The following KIAA1217 variants were observed in gnomAD, a reference collection of about 807,000 sequenced individuals.
KIAA1217 encodes the protein sickle tail protein homolog.
Under a neutral mutation model 163.9 loss-of-function variants are expected in KIAA1217, and 88 were observed. The observed-to-expected ratio is 0.54, with a 90% confidence interval of 0.45 to 0.64. KIAA1217 has a LOEUF of 0.64. Ranked by LOEUF, KIAA1217 falls within the 30% of genes least tolerant of loss-of-function variation. The pLI, the probability that KIAA1217 is intolerant of heterozygous loss-of-function variation, is 0.00. For missense variants in KIAA1217, 2,372 were observed against 2,475.0 expected (o/e 0.96, Z 0.88); for synonymous variants, 903 against 923.1 (o/e 0.98, Z 0.39).
intron 1 of KIAA1217, among the ~76,000 whole-genome samples, chr10:23,751,613 T>C (rs1839744658): frequency 2.6e-5 from 4 of 152,154 alleles, no homozygotes; most frequent in African/African-American, 9.7e-5. Context: ...AAAAGAAATT[T>C]CTTCTTATTT....
chr10:23,737,750 C>T (rs1162450206), intron 1 of KIAA1217, among the ~76,000 whole-genome samples: 1 of 151,974 alleles, frequency 6.6e-6, no homozygotes, highest in Non-Finnish European at 1.5e-5. Flanking sequence ...TTATTTTTCT[C>T]ATAGTGATTA....
At chr10:24,327,982 A>AGGC (rs745752582) in intron 2 of KIAA1217, among the ~76,000 whole-genome samples, 1 of 152,096 alleles carries the variant, frequency 6.6e-6, no homozygotes, top group East Asian at 1.9e-4. Context: ...CCTATCCCAG[A>AGGC]GGCTAAATAT....
At chr10:24,244,038 T>A (rs1038678693) in intron 2 of KIAA1217, among the ~76,000 whole-genome samples, 2 of 152,210 alleles carry the variant, frequency 1.3e-5, no homozygotes, top group African/African-American at 4.8e-5. Flanking sequence ...CTGCCTTCAT[T>A]ACTTGCTCGT....
At chr10:24,447,271 G>A (rs565790420) in intron 5 of KIAA1217, among the ~76,000 whole-genome samples, 4 of 151,136 alleles carry the variant, frequency 2.6e-5, no homozygotes, top group Non-Finnish European at 5.9e-5. Flanking sequence ...TATACTTTAA[G>A]TTCTGGGGTA....
intron 1 of KIAA1217, among the ~76,000 whole-genome samples, chr10:23,971,555 C>T (rs1448315998): frequency 6.6e-6 from 1 of 152,132 alleles, no homozygotes; most frequent in African/African-American, 2.4e-5. Flanking sequence ...CATGGCTGAC[C>T]AGTATTAACA....
intron 3 of KIAA1217, among the ~76,000 whole-genome samples, chr10:24,409,473 G>A (rs997987171): frequency 1.3e-5 from 2 of 151,882 alleles, no homozygotes; most frequent in Admixed American, 6.6e-5. Flanking sequence ...ATTACAAATG[G>A]CCCAAAGGAA....
intron 4 of KIAA1217, among the ~76,000 whole-genome samples, chr10:24,438,071 A>C (rs558195149): frequency 6.6e-6 from 1 of 151,686 alleles, no homozygotes; most frequent in East Asian, 1.9e-4. Context: ...TTTTTTTTTA[A>C]AGCCTTAGTT....
intron 1 of KIAA1217, among the ~76,000 whole-genome samples, chr10:23,753,148 G>T (rs898729379): frequency 6.6e-6 from 1 of 152,156 alleles, no homozygotes; most frequent in African/African-American, 2.4e-5. Context: ...AAAGATTTCA[G>T]ATTTGACAAA....
intron 1 of KIAA1217, among the ~76,000 whole-genome samples, chr10:23,746,723 G>A (rs1839437363): frequency 6.6e-6 from 1 of 152,072 alleles, no homozygotes; most frequent in Admixed American, 6.5e-5. Context: ...GTGCCTGGCA[G>A]ATATTCTTTT....
At chr10:24,299,070 A>G (rs1220130996) in intron 2 of KIAA1217, among the ~76,000 whole-genome samples, 1 of 152,178 alleles carries the variant, frequency 6.6e-6, no homozygotes, top group Non-Finnish European at 1.5e-5. Context: ...CAGAGTTGCA[A>G]AAAATGTTAC....
chr10:24,501,342 G>A, intron 8 of KIAA1217, 37 bp from the exon 9 acceptor site: 2 of 1,582,050 alleles, frequency 1.3e-6, no homozygotes, highest in Non-Finnish European at 1.7e-6. Context: ...ACTTTCCTTT[G>A]TGGCCTTCTG....
chr10:24,341,006 C>A (rs1344416806), intron 2 of KIAA1217, among the ~76,000 whole-genome samples: 2 of 152,146 alleles, frequency 1.3e-5, no homozygotes, highest in African/African-American at 4.8e-5. Context: ...CTGAGAAATG[C>A]GAATTTTTTC....
At chr10:24,306,580 T>C (rs557120327) in intron 2 of KIAA1217, among the ~76,000 whole-genome samples, 1 of 152,332 alleles carries the variant, frequency 6.6e-6, no homozygotes, top group African/African-American at 2.4e-5. Context: ...TGCGGGCAGC[T>C]GTCTTTCTGG....
At chr10:24,092,252 G>C (rs1346930947) in intron 2 of KIAA1217, among the ~76,000 whole-genome samples, 1 of 151,620 alleles carries the variant, frequency 6.6e-6, no homozygotes, top group Admixed American at 6.6e-5. Flanking sequence ...TTAAAGCATT[G>C]CTTTCACTCA....
chr10:24,048,721 C>T (rs1489333551), intron 2 of KIAA1217, among the ~76,000 whole-genome samples: 1 of 134,914 alleles, frequency 7.4e-6, no homozygotes, highest in Non-Finnish European at 1.6e-5. Context: ...CAGAGCAAGA[C>T]TCTGTCTCAA....
chr10:23,991,284 A>C (rs1846205835), intron 1 of KIAA1217, among the ~76,000 whole-genome samples: 1 of 152,200 alleles, frequency 6.6e-6, no homozygotes, highest in African/African-American at 2.4e-5. Context: ...TTTTGTGCTG[A>C]GACACCATTT....
chr10:23,832,685 G>A (rs551914459), intron 1 of KIAA1217, among the ~76,000 whole-genome samples: 1 of 152,116 alleles, frequency 6.6e-6, no homozygotes, highest in African/African-American at 2.4e-5. Flanking sequence ...CAGGGACCAG[G>A]GGCAGAGATC....
intron 2 of KIAA1217, among the ~76,000 whole-genome samples, chr10:24,233,661 C>T (rs1027480832): frequency 6.6e-6 from 1 of 152,076 alleles, no homozygotes; most frequent in Non-Finnish European, 1.5e-5. Flanking sequence ...TTTTAAATTT[C>T]GCTTAAAGAT....
chr10:24,449,889 G>A (rs1050365442), intron 5 of KIAA1217: 4 of 296,000 alleles, frequency 1.4e-5, no homozygotes, highest in Admixed American at 6.5e-5. Context: ...TGCAATTTTA[G>A]GTTTTATTTT....
Sources: gnomAD v4.1 joint callset for allele counts (sites outside exome capture counted in the v4.1 genomes callset) on GRCh38, gnomAD v4.1.1 for gene constraint, MANE v1.5 for transcripts, NCBI Gene and HGNC (gene_info 2026-07-23, HGNC 2026-07-21) for gene names.